SAYSD1: variants seen among roughly 807,000 people sequenced by gnomAD.
SAYSD1 encodes SAYSvFN domain-containing protein 1.
Under a neutral mutation model 14.5 loss-of-function variants are expected in SAYSD1, and 15 were observed. That is an observed-to-expected ratio of 1.03 (90% CI 0.69 to 1.59). The LOEUF (loss-of-function observed/expected upper bound fraction) is 1.59, where lower values mean the gene tolerates loss of function less well. SAYSD1 is among the 40% of genes most tolerant of loss of function. The pLI is 0.00. For missense variants in SAYSD1, 247 were observed against 227.3 expected, an observed-to-expected ratio of 1.09 and a Z score of -0.56; for synonymous variants, 105 against 102.6, an observed-to-expected ratio of 1.02 and a Z score of -0.14.
At chr6:39,109,274 AG>A (rs1284697788) in intron 1 of SAYSD1, 1 of 1,530,488 alleles carries the variant, frequency 6.5e-7, no homozygotes, top group Non-Finnish European at 8.9e-7. Context: ...ATGGCTGGAG[AG>A]GGAAGCAGGA....
intron 1 of SAYSD1, chr6:39,109,436 A>C: frequency 6.5e-7 from 1 of 1,546,308 alleles, no homozygotes; most frequent in Non-Finnish European, 8.7e-7. Flanking sequence ...ATGACTGCTG[A>C]AAAGATGCAG....
At chr6:39,107,393 C>T (rs1306015501) in intron 1 of SAYSD1, among the ~76,000 whole-genome samples, 1 of 152,176 alleles carries the variant, frequency 6.6e-6, no homozygotes, top group African/African-American at 2.4e-5. Context: ...TTCAGCACTA[C>T]AGTGTCTCTC....
At chr6:39,106,442 G>A (rs1769504933) in intron 1 of SAYSD1, among the ~76,000 whole-genome samples, 1 of 152,118 alleles carries the variant, frequency 6.6e-6, no homozygotes, top group Admixed American at 6.5e-5. Flanking sequence ...CATGAGAATC[G>A]CTCAAACCTG....
rs373209887 is a variant in SAYSD1 at position 39,105,427 on chromosome 6, G to A, written c.*5C>T. On this transcript the variant is annotated 3_prime_UTR_variant, in exon 2 of 2. Transcript: ENST00000229903. ...AGGTTAGCTGCATGACAGCACAGCTGGGTCCTATCTCCCTGCCAGGGGTCT... is the reference window on the plus strand; with the variant it reads ...AGGTTAGCTGCATGACAGCACAGCTAGGTCCTATCTCCCTGCCAGGGGTCT... 24 of 1,612,570 alleles carry A rather than the reference G, an allele frequency of 1.5e-5. No homozygotes were observed. The highest frequency in any genetic ancestry group is 1.7e-5 in the Admixed American group (1 of 59,978).
chr6:39,114,905 C>G lies in SAYSD1; in HGVS notation c.185G>C (p.Arg62Pro). The change falls in exon 1 of 2, where the codon CGG becomes CCG. Residue 62 changes from arginine (R) to proline (P), a missense_variant. Arg to Pro is a moderately radical substitution (Grantham distance 103). Transcript: ENST00000229903. ...LVWKPRPASA[R>P]AQPGLVQEAA... is the part of the protein sequence containing the mutation. ...CACCTGAACTAGGCCGGGCTGGGCC[C>G]GGGCACTCGCGGGCCTAGGTTTCCA... 2 of 1,612,520 alleles carry G rather than the reference C, an allele frequency of 1.2e-6. No homozygotes were observed. The highest frequency in any genetic ancestry group is 1.9e-4 in the Middle Eastern group (1 of 5,154).
chr6:39,109,357 T>C lies in SAYSD1; in HGVS notation c.208-3581A>G, dbSNP rs1428429772. 5.2e-6 allele frequency: 8 copies of C among 1,550,896 alleles called. No homozygotes were observed. In the Admixed American group the frequency reaches 1.4e-4, roughly 27 times the overall value. On this transcript the variant is annotated intron_variant, in intron 1 of 1. Transcript: ENST00000229903. Reference sequence around the variant, plus strand: ...GTGGAAGAAGCTCGTCACAGAATTATTTCAGGAAACTGCTTTTCTCCAAGC... The same window carrying C: ...GTGGAAGAAGCTCGTCACAGAATTACTTCAGGAAACTGCTTTTCTCCAAGC...
At chr6:39,111,273 C>T (rs1325523800) in intron 1 of SAYSD1, 1 of 151,552 alleles carries the variant, frequency 6.6e-6, no homozygotes, top group Non-Finnish European at 1.5e-5. Flanking sequence ...AAAGGAAGAA[C>T]GAACAAACAT....
rs1198617978 is a variant in SAYSD1, at chr6:39,104,267, G to T, written c.*1165C>A. On this transcript the variant is annotated 3_prime_UTR_variant, in exon 2 of 2. Transcript: ENST00000229903. ...TGAGGAAGGGCAACACATATCAGAAGAATTTTCAGCAAGGGCTGAAACACA... is the reference window on the plus strand; with the variant it reads ...TGAGGAAGGGCAACACATATCAGAATAATTTTCAGCAAGGGCTGAAACACA... The T allele has an allele frequency of 6.6e-6, 1 of 152,100 alleles. No individual in the cohort carries two copies. The highest frequency in any genetic ancestry group is 1.5e-5 in the Non-Finnish European group (1 of 68,016). The allele number at this position is 152,100 out of a possible 1,614,324, so 9.4% of individuals were successfully genotyped here.
At position 39,107,927 on chromosome 6, in the gene SAYSD1, T is replaced by G. The variant is rs1769535966; in HGVS notation, c.208-2151A>C. The stretch of plus-strand genomic sequence containing the variant: ...GGGCCAGGCAGGTTGCAGTGAAGAT[T>G]CTGGAAATGGGAAACAGCTGAAGGT... On this transcript the variant is annotated intron_variant, in intron 1 of 1. Transcript: ENST00000229903. Among the ~76,000 whole-genome samples, 3 of 152,008 alleles carry G rather than the reference T, an allele frequency of 2.0e-5. No homozygotes were observed. In the South Asian group the frequency reaches 6.2e-4, roughly 32 times the overall value.
chr6:39,112,074 T>A (rs1769636193), intron 1 of SAYSD1: 2 of 152,080 alleles, frequency 1.3e-5, no homozygotes, highest in South Asian at 2.1e-4. Flanking sequence ...GAAGAAATAC[T>A]TTAAGAAAAA....
At chr6:39,114,501 C>T (rs1159523179) in intron 1 of SAYSD1, among the ~76,000 whole-genome samples, 2 of 152,234 alleles carry the variant, frequency 1.3e-5, no homozygotes, top group Admixed American at 1.3e-4. Context: ...TACTTGTGAT[C>T]GGTATCCAAT....
At chr6:39,106,896 T>A (rs1244725374) in intron 1 of SAYSD1, among the ~76,000 whole-genome samples, 1 of 152,182 alleles carries the variant, frequency 6.6e-6, no homozygotes, top group Non-Finnish European at 1.5e-5. Context: ...CTGTGTCCAG[T>A]CCACTGTTTT....
intron 1 of SAYSD1, among the ~76,000 whole-genome samples, chr6:39,113,925 CAAAATT>C (rs945870536): frequency 6.6e-6 from 1 of 152,140 alleles, no homozygotes; most frequent in African/African-American, 2.4e-5. Context: ...AATATCAAAT[CAAAATT>C]GAGTAATAGG....
At chr6:39,109,033 C>A (rs561354319) in intron 1 of SAYSD1, among the ~76,000 whole-genome samples, 14 of 152,256 alleles carry the variant, frequency 9.2e-5, no homozygotes, top group African/African-American at 3.1e-4. Context: ...ACAGCGGGCA[C>A]ATGACAAGAT....
chr6:39,105,817 T>C, intron 1 of SAYSD1, 41 bp from the exon 2 acceptor site: 2 of 1,578,050 alleles, frequency 1.3e-6, no homozygotes, highest in Non-Finnish European at 1.7e-6. Flanking sequence ...TAAAGGGTAA[T>C]GGAGCTGAGA....
intron 1 of SAYSD1, among the ~76,000 whole-genome samples, chr6:39,107,138 A>C (rs1013924970): frequency 1.7e-4 from 26 of 152,244 alleles, no homozygotes; most frequent in Non-Finnish European, 3.7e-4. Context: ...AACACGATCC[A>C]CAATCTTTTG....
chr6:39,107,169 C>T (rs1769522377), intron 1 of SAYSD1, among the ~76,000 whole-genome samples: 1 of 152,238 alleles, frequency 6.6e-6, no homozygotes, highest in African/African-American at 2.4e-5. Flanking sequence ...GACCCTTCTT[C>T]TCCAGCTTAA....
chr6:39,109,658 A>G lies in SAYSD1; in HGVS notation c.208-3882T>C. 5 of 1,150,132 alleles carry G rather than the reference A, an allele frequency of 4.3e-6. No individual in the cohort carries two copies. In the South Asian group the frequency reaches 1.2e-4, roughly 27 times the overall value. 71.2% of individuals were successfully genotyped at this position (1,150,132 alleles called of 1,614,324 possible). ...AGGAGATAAAGTTTTTGGAATCTCC[A>G]TGCCTGAGATTAAAAGGTGTGGGAC... On this transcript the variant is annotated intron_variant, in intron 1 of 1. Coordinates refer to ENST00000229903, the MANE Select transcript of SAYSD1 (RefSeq NM_018322.3).
intron 1 of SAYSD1, among the ~76,000 whole-genome samples, chr6:39,109,934 T>C (rs988875972): frequency 2.0e-5 from 3 of 152,190 alleles, no homozygotes; most frequent in Non-Finnish European, 2.9e-5. Flanking sequence ...ATGAAGAGTA[T>C]TCCATTTGTG....
Sources: gnomAD v4.1 joint callset for allele counts (sites outside exome capture counted in the v4.1 genomes callset) on GRCh38, gnomAD v4.1.1 for gene constraint, MANE v1.5 for transcripts, NCBI Gene and HGNC (gene_info 2026-07-23, HGNC 2026-07-21) for gene names.